The following NRG2 variants were observed in gnomAD, a reference collection of about 807,000 sequenced individuals.
The protein encoded by NRG2 is neuregulin 2, also known as pro-neuregulin-2, membrane-bound isoform.
Under a neutral mutation model 73.9 loss-of-function variants are expected in NRG2, and 27 were observed. That is an observed-to-expected ratio of 0.37 (90% CI 0.27 to 0.50). NRG2 has a LOEUF of 0.50. Among genes scored for constraint, NRG2 ranks in the 20% least tolerant of loss-of-function variants. The pLI, the probability that NRG2 is intolerant of heterozygous loss-of-function variation, is 0.96. For synonymous variants in NRG2, 532 were observed against 541.0 expected, an observed-to-expected ratio of 0.98 and a Z score of 0.23; for missense variants, 1,126 against 1,210.1, an observed-to-expected ratio of 0.93 and a Z score of 1.03.
intron 1 of NRG2, among the ~76,000 whole-genome samples, chr5:139,919,197 G>A (rs1186006750): frequency 6.6e-6 from 1 of 152,024 alleles, no homozygotes; most frequent in Non-Finnish European, 1.5e-5. Context: ...GGCAAGTATG[G>A]GATCGCTAAC....
chr5:140,042,195 C>T (rs1443424310), intron 1 of NRG2, among the ~76,000 whole-genome samples, 175 bp downstream of exon 1: 2 of 148,902 alleles, frequency 1.3e-5, no homozygotes, highest in African/African-American at 4.9e-5. Flanking sequence ...CTTCTTCTCT[C>T]CAACCCCAAC....
chr5:139,892,513 C>T (rs888209121), intron 1 of NRG2, among the ~76,000 whole-genome samples: 1 of 152,128 alleles, frequency 6.6e-6, no homozygotes, highest in African/African-American at 2.4e-5. Flanking sequence ...CCAGAGACAG[C>T]TCTAACGGGA....
chr5:140,017,135 G>A (rs1759850320), intron 1 of NRG2, among the ~76,000 whole-genome samples: 1 of 152,218 alleles, frequency 6.6e-6, no homozygotes. Context: ...TGACATGGGT[G>A]ATGTTAGTAA....
At chr5:139,897,696 T>C (rs1347299998) in intron 1 of NRG2, among the ~76,000 whole-genome samples, 1 of 152,170 alleles carries the variant, frequency 6.6e-6, no homozygotes, top group Non-Finnish European at 1.5e-5. Context: ...TCAAGACTGC[T>C]GTGAGCACTC....
chr5:139,879,415 T>C (rs1581844106), intron 3 of NRG2, among the ~76,000 whole-genome samples: 1 of 152,094 alleles, frequency 6.6e-6, no homozygotes, highest in Admixed American at 6.6e-5. Flanking sequence ...GAGGAAGAGA[T>C]GAAGCCATGG....
intron 1 of NRG2, among the ~76,000 whole-genome samples, chr5:139,981,889 G>A (rs561998093): frequency 4.6e-5 from 7 of 152,316 alleles, no homozygotes; most frequent in African/African-American, 1.7e-4. Context: ...TAACCTAGAG[G>A]GGATGCTGGA....
At chr5:139,858,847 C>T (rs2127023964) in intron 5 of NRG2, among the ~76,000 whole-genome samples, 1 of 152,322 alleles carries the variant, frequency 6.6e-6, no homozygotes, top group East Asian at 1.9e-4. Flanking sequence ...CCCACAACCC[C>T]ATCACAGCCA....
chr5:140,016,682 ATGGCTT>A (rs1759808466), intron 1 of NRG2, among the ~76,000 whole-genome samples: 5 of 152,252 alleles, frequency 3.3e-5, no homozygotes, highest in Admixed American at 3.3e-4. Flanking sequence ...TAGCACATCT[ATGGCTT>A]CGTCTGGGAT....
chr5:139,882,080 T>G (rs1017626701), intron 2 of NRG2, among the ~76,000 whole-genome samples: 1 of 152,146 alleles, frequency 6.6e-6, no homozygotes, highest in African/African-American at 2.4e-5. Flanking sequence ...CACCTCCTCT[T>G]TTTAGTGCTG....
intron 1 of NRG2, among the ~76,000 whole-genome samples, chr5:139,985,278 T>C (rs1329340930): frequency 6.7e-6 from 1 of 149,504 alleles, no homozygotes; most frequent in African/African-American, 2.5e-5. Context: ...AGGTGGAGGC[T>C]GCAGTGAGCC....
At chr5:139,903,609 T>A (rs1765026447) in intron 1 of NRG2, among the ~76,000 whole-genome samples, 1 of 152,142 alleles carries the variant, frequency 6.6e-6, no homozygotes, top group Non-Finnish European at 1.5e-5. Context: ...GGCACGAAAG[T>A]GGGTCGCAAA....
At chr5:139,871,571 G>A in intron 4 of NRG2, 150 bp downstream of exon 4, 1 of 973,086 alleles carries the variant, frequency 1.0e-6, no homozygotes, top group South Asian at 1.6e-5. Flanking sequence ...TCCAGGAAAG[G>A]GCTAGGAAGT....
At chr5:140,030,989 A>G (rs1761097850) in intron 1 of NRG2, among the ~76,000 whole-genome samples, 1 of 152,218 alleles carries the variant, frequency 6.6e-6, no homozygotes, top group Admixed American at 6.5e-5. Flanking sequence ...TTCTGGAAAA[A>G]AAAACTCCAT....
intron 1 of NRG2, among the ~76,000 whole-genome samples, chr5:140,026,313 G>C: frequency 6.6e-6 from 1 of 152,188 alleles, no homozygotes; most frequent in East Asian, 1.9e-4. Context: ...TGAAGATTTT[G>C]GGGTTGGGAA....
At chr5:139,999,791 G>C (rs554525162) in intron 1 of NRG2, among the ~76,000 whole-genome samples, 17 of 152,272 alleles carry the variant, frequency 1.1e-4, no homozygotes, top group Admixed American at 6.5e-4. Flanking sequence ...AGACTACATG[G>C]GAAATATACT....
At chr5:139,906,158 C>T (rs943779711) in intron 1 of NRG2, among the ~76,000 whole-genome samples, 1 of 152,154 alleles carries the variant, frequency 6.6e-6, no homozygotes, top group African/African-American at 2.4e-5. Context: ...CAGGCCTGCA[C>T]CACCATGCCC....
At chr5:139,956,672 A>G (rs1381329031) in intron 1 of NRG2, among the ~76,000 whole-genome samples, 2 of 152,234 alleles carry the variant, frequency 1.3e-5, no homozygotes, top group African/African-American at 4.8e-5. Context: ...AGCAATGGCC[A>G]CGTAGCCATT....
At chr5:139,879,709 G>A (rs1166020363) in intron 3 of NRG2, among the ~76,000 whole-genome samples, 1 of 152,222 alleles carries the variant, frequency 6.6e-6, no homozygotes, top group Non-Finnish European at 1.5e-5. Context: ...TGGTTCAGGT[G>A]ACTAGGGATG....
intron 1 of NRG2, among the ~76,000 whole-genome samples, chr5:139,893,710 C>T (rs573470707): frequency 0.022 from 3,287 of 152,032 alleles, 122 homozygotes; most frequent in African/African-American, 0.075. Context: ...TTCATCCATT[C>T]TCTTCCTCCT....
Sources: allele counts gnomAD v4.1 joint callset (sites outside exome capture counted in the v4.1 genomes callset), GRCh38; gene constraint gnomAD v4.1.1; transcripts MANE v1.5; gene names NCBI Gene and HGNC (gene_info 2026-07-23, HGNC 2026-07-21).